DNAAF1: variants seen among roughly 807,000 people sequenced by gnomAD.
DNAAF1 encodes the protein dynein axonemal assembly factor 1, also known as dynein assembly factor 1, axonemal.
DNAAF1 carries 65 observed loss-of-function variants against 71.1 expected under a neutral mutation model. That is an observed-to-expected ratio of 0.91 (90% CI 0.75 to 1.12). The LOEUF is 1.12. DNAAF1 is among the 50% of genes most tolerant of loss of function. DNAAF1 has a pLI of 0.00. For missense variants in DNAAF1, 1,178 were observed against 899.8 expected (o/e 1.31, Z -3.96); for synonymous variants, 414 against 354.6 (o/e 1.17, Z -1.88).
chr16:84,159,673 A>G lies in DNAAF1; in HGVS notation c.742-2A>G, dbSNP rs948778636. ...ATTTTGGTTCTGCTTGTCTTCTTGC[A>G]GCGTGTACTGAATTTGATGGGAAAC... On this transcript the variant is annotated splice_acceptor_variant, in intron 5 of 11. Transcript: ENST00000378553. LOFTEE classifies it high-confidence loss of function. The G allele has an allele frequency of 6.2e-7, 1 of 1,610,336 alleles. No individual in the cohort carries two copies. The highest frequency in any genetic ancestry group is 1.3e-5 in the African/African-American group (1 of 74,788).
intron 5 of DNAAF1, 44 bp from the exon 6 acceptor site, chr16:84,159,631 C>A (rs757243208): frequency 5.5e-5 from 86 of 1,572,572 alleles, no homozygotes; most frequent in South Asian, 9.3e-5. Flanking sequence ...ATAATTCAAT[C>A]GCATCTTTCA....
chr16:84,176,805 AGGCAAAGG>A (rs925771630), intron 11 of DNAAF1: 6 of 191,300 alleles, frequency 3.1e-5, no homozygotes, highest in Non-Finnish European at 5.6e-5. Flanking sequence ...AAGGCAGGGA[AGGCAAAGG>A]GGCAAAGGGG....
chr16:84,147,276 G>C (rs1301586224), intron 1 of DNAAF1, among the ~76,000 whole-genome samples: 3 of 151,856 alleles, frequency 2.0e-5, no homozygotes, highest in East Asian at 3.9e-4. Context: ...CCTGTGGCTG[G>C]GCATTCTATG....
intron 3 of DNAAF1, among the ~76,000 whole-genome samples, chr16:84,153,332 C>G (rs751830466): frequency 2.0e-5 from 3 of 152,148 alleles, no homozygotes; most frequent in Non-Finnish European, 2.9e-5. Context: ...CAGCAAACCA[C>G]ATGGCACACA....
In DNAAF1 at chr16:84,175,762, G is replaced by A. The variant is rs1597495453; in HGVS notation, c.1699-171G>A. The A allele has an allele frequency of 9.1e-6, 7 of 770,976 alleles. No individual in the cohort carries two copies. In the East Asian group the frequency reaches 1.8e-4, roughly 20 times the overall value. The allele number at this position is 770,976 out of a possible 1,614,324, so 47.8% of individuals were successfully genotyped here. ...TAGACATGAGCTGTGCCCAGGGAGT[G>A]GCCACCCCCAGGCCTAACTTTCAGA... is the stretch of plus-strand genomic sequence containing the variant. On this transcript the variant is annotated intron_variant, in intron 10 of 11. Transcript: ENST00000378553.
intron 6 of DNAAF1, among the ~76,000 whole-genome samples, chr16:84,160,298 C>G (rs1183512421): frequency 6.6e-6 from 1 of 152,102 alleles, no homozygotes; most frequent in Non-Finnish European, 1.5e-5. Context: ...TATAGTTCCT[C>G]CTTTATGAAT....
intron 9 of DNAAF1, chr16:84,174,363 T>G: frequency 7.8e-7 from 1 of 1,287,300 alleles, no homozygotes; most frequent in Non-Finnish European, 9.9e-7. Context: ...GTCCCATTAT[T>G]TCCCCCAAGA....
chr16:84,174,467 A>C (rs1008770656), intron 9 of DNAAF1: 14 of 1,448,240 alleles, frequency 9.7e-6, no homozygotes, highest in Non-Finnish European at 1.2e-5. Context: ...CATTTATTAG[A>C]TCCAGACACC....
In DNAAF1 at chr16:84,171,233, C is replaced by T. The variant is rs374991430; in HGVS notation, c.1528+877C>T. On this transcript the variant is annotated intron_variant, in intron 8 of 11. Coordinates refer to ENST00000378553, the MANE Select transcript of DNAAF1 (RefSeq NM_178452.6). ...GGCAGATTGCTTGAGGCCGGGAGTT[C>T]GAGACCAGCCTGGCCAACATAGTGA... Among the ~76,000 whole-genome samples the T allele has an allele frequency of 1.3e-3, 192 of 152,158 alleles. 5 individuals are homozygous for T. In the South Asian group the frequency reaches 0.037, roughly 29 times the overall value.
At position 84,175,998 on chromosome 16, in the gene DNAAF1, C is replaced by G; in HGVS notation, c.1764C>G (p.Asp588Glu). The G allele has an allele frequency of 5.0e-6, 8 of 1,614,126 alleles. No individual in the cohort carries two copies. Among genetic ancestry groups the G allele is most frequent in the Non-Finnish European group, 5.9e-6 (7 of 1,179,964 alleles). ...SLSDDSDPEL[D>E]YTSLPVLENL... The stretch of plus-strand genomic sequence containing the variant: ...GTGATGACAGTGACCCTGAACTGGA[C>G]TACACGTCACTCCCTGTGCTGGAAA... Residue 588 changes from aspartate (D) to glutamate (E), a missense_variant, in exon 11 of 12, where the codon GAC (aspartate) becomes GAG (glutamate). Physicochemically the swap from Asp to Glu is conservative, Grantham distance 45. Coordinates refer to ENST00000378553, the MANE Select transcript of DNAAF1 (RefSeq NM_178452.6).
At chr16:84,168,699 CCTAA>C (rs1195334377) in intron 7 of DNAAF1, among the ~76,000 whole-genome samples, 14 of 152,074 alleles carry the variant, frequency 9.2e-5, no homozygotes, top group African/African-American at 2.9e-4. Flanking sequence ...ATTGTCTTTT[CCTAA>C]CTTTTTGTTT....
At chr16:84,147,738 A>G (rs1273960294) in intron 1 of DNAAF1, among the ~76,000 whole-genome samples, 1 of 151,986 alleles carries the variant, frequency 6.6e-6, no homozygotes, top group Non-Finnish European at 1.5e-5. Flanking sequence ...AGTCTTTTTT[A>G]ATTAAAGAAA....
At position 84,175,821 on chromosome 16, in the gene DNAAF1, G is replaced by C. The variant is rs535387097; in HGVS notation, c.1699-112G>C. On this transcript the variant is annotated intron_variant, in intron 10 of 11. Coordinates refer to ENST00000378553, the MANE Select transcript of DNAAF1 (RefSeq NM_178452.6). ...TTCCCTTGGGCCTTTCTTGGATGTG[G>C]CAACAGAATACTTTGTGACATTGGG... 3 of 1,385,176 alleles carry C rather than the reference G, an allele frequency of 2.2e-6. No individual in the cohort carries two copies. The East Asian group carries it at 6.8e-5, about 32-fold the overall frequency. 85.8% of individuals were successfully genotyped at this position (1,385,176 alleles called of 1,614,324 possible).
chr16:84,145,485 G>A lies in DNAAF1; in HGVS notation c.45G>A (p.Glu15=), dbSNP rs1433152888. 1 of 1,573,700 alleles carries A rather than the reference G, an allele frequency of 6.4e-7. No homozygotes were observed. ...PSEPATGGAA[E]LDCAQEPGVE... is the part of the protein sequence containing the mutation. ...AGCCTGCGACAGGTGGTGCAGCAGA[G>A]CTGGATTGCGCGCAGGAGCCCGGCG... The change falls in exon 1 of 12, where the codon GAG becomes GAA. Residue 15 remains glutamate, a synonymous_variant. Coordinates refer to ENST00000378553, the MANE Select transcript of DNAAF1 (RefSeq NM_178452.6).
intron 5 of DNAAF1, among the ~76,000 whole-genome samples, chr16:84,158,293 G>C (rs1053892173): frequency 1.3e-5 from 2 of 152,188 alleles, no homozygotes; most frequent in Admixed American, 6.5e-5. Flanking sequence ...GGCAGGGCTG[G>C]GTTCTCCTGA....
chr16:84,175,634 G>A (rs2088612267), intron 10 of DNAAF1: 1 of 430,166 alleles, frequency 2.3e-6, no homozygotes, highest in Non-Finnish European at 4.3e-6. Context: ...GGGGTTCAGG[G>A]GCATGCCAAG....
chr16:84,145,594 G>A, intron 1 of DNAAF1, 30 bp downstream of exon 1: 1 of 1,541,510 alleles, frequency 6.5e-7, no homozygotes, highest in Non-Finnish European at 8.7e-7. Flanking sequence ...GAGGGCGGTG[G>A]GCGAGGGGCA....
chr16:84,176,697 G>C (rs1056650236), intron 11 of DNAAF1: 1 of 324,712 alleles, frequency 3.1e-6, no homozygotes, highest in African/African-American at 2.1e-5. Flanking sequence ...ACCACTGCTG[G>C]GGAGTGTGGG....
chr16:84,164,624 T>C (rs1169725887), intron 6 of DNAAF1, among the ~76,000 whole-genome samples: 1 of 152,218 alleles, frequency 6.6e-6, no homozygotes, highest in East Asian at 1.9e-4. Context: ...TGAGTGATAT[T>C]CCTCCGTCTG....
Sources: gnomAD v4.1 joint callset for allele counts (sites outside exome capture counted in the v4.1 genomes callset) on GRCh38, gnomAD v4.1.1 for gene constraint, MANE v1.5 for transcripts, NCBI Gene and HGNC (gene_info 2026-07-23, HGNC 2026-07-21) for gene names.